Variants in TSHZ2 observed in about 807,000 individuals in gnomAD.
The protein encoded by TSHZ2 is teashirt homolog 2.
A neutral mutation model predicts 74.4 loss-of-function variants in TSHZ2; 21 were observed. That is an observed-to-expected ratio of 0.28 (90% CI 0.20 to 0.41). The LOEUF (loss-of-function observed/expected upper bound fraction) is 0.41. TSHZ2 is among the 10% of genes least tolerant of loss of function. TSHZ2 has a pLI of 1.00. For synonymous variants in TSHZ2, 540 were observed against 515.3 expected, an observed-to-expected ratio of 1.05 and a Z score of -0.65; for missense variants, 1,244 against 1,293.5, an observed-to-expected ratio of 0.96 and a Z score of 0.59.
intron 1 of TSHZ2, among the ~76,000 whole-genome samples, chr20:53,090,360 A>G (rs6013625): frequency 7.2e-4 from 110 of 152,264 alleles, no homozygotes; most frequent in Middle Eastern, 3.4e-3. Context: ...CTTCAATTCA[A>G]TCAAATCGAC....
intron 2 of TSHZ2, among the ~76,000 whole-genome samples, chr20:53,283,689 C>G (rs145665025): frequency 6.6e-6 from 1 of 152,308 alleles, no homozygotes; most frequent in East Asian, 1.9e-4. Flanking sequence ...AGCTTCCGTG[C>G]TCTGGGAAGT....
At chr20:53,205,898 T>G (rs1443859303) in intron 1 of TSHZ2, among the ~76,000 whole-genome samples, 2 of 152,222 alleles carry the variant, frequency 1.3e-5, no homozygotes, top group Non-Finnish European at 2.9e-5. Context: ...ATTTACATTC[T>G]TTAAGGCTTA....
chr20:53,126,185 G>A (rs1986942703), intron 1 of TSHZ2, among the ~76,000 whole-genome samples: 1 of 152,154 alleles, frequency 6.6e-6, no homozygotes, highest in Non-Finnish European at 1.5e-5. Context: ...AATACTCCTT[G>A]CATCTAGATC....
At chr20:53,101,452 G>C (rs1037715308) in intron 1 of TSHZ2, among the ~76,000 whole-genome samples, 1 of 152,054 alleles carries the variant, frequency 6.6e-6, no homozygotes, top group Non-Finnish European at 1.5e-5. Context: ...TCCCACCGTC[G>C]TTCTTGGTAG....
At chr20:53,397,804 G>A (rs532641903) in intron 2 of TSHZ2, 2 of 152,148 alleles carry the variant, frequency 1.3e-5, no homozygotes, top group Non-Finnish European at 2.9e-5. Context: ...CCATAAAAAA[G>A]GATGAGTTCA....
rs147727455 is a variant in TSHZ2, at chr20:52,985,496, C to T, written c.40+12163C>T. Among the ~76,000 whole-genome samples, 4 of 152,268 alleles carry T rather than the reference C, an allele frequency of 2.6e-5. No individual in the cohort carries two copies. In the East Asian group the frequency reaches 5.8e-4, roughly 22 times the overall value. ...TATTGGTAGAATGGGGATAATAAAACCCCCTTCTGGGTAGTTGGGAGAAGT... is the reference window on the plus strand; with the variant it reads ...TATTGGTAGAATGGGGATAATAAAATCCCCTTCTGGGTAGTTGGGAGAAGT... On this transcript the variant is annotated intron_variant, in intron 1 of 2. Transcript: ENST00000371497.
At chr20:53,257,134 A>G (rs78673701) in intron 2 of TSHZ2, among the ~76,000 whole-genome samples, 2,653 of 152,322 alleles carry the variant, frequency 0.017, 41 homozygotes, top group Middle Eastern at 0.031. Context: ...AGTAATTGCC[A>G]CCTTCCACCT....
chr20:53,380,089 C>T (rs1981802451), intron 2 of TSHZ2, among the ~76,000 whole-genome samples: 1 of 152,156 alleles, frequency 6.6e-6, no homozygotes, highest in East Asian at 1.9e-4. Context: ...GCCTCAATGT[C>T]ACCAACTTCA....
rs1000166671 is a variant in TSHZ2, at chr20:53,445,605, T to C, written c.*9-41539T>C. 2.0e-5 allele frequency among the ~76,000 whole-genome samples: 3 copies of C among 152,180 alleles called. No individual in the cohort carries two copies. The South Asian group carries it at 6.2e-4, about 31-fold the overall frequency. On this transcript the variant is annotated intron_variant, in intron 2 of 2. Transcript: ENST00000371497. Reference sequence around the variant, plus strand: ...CACTCTACTCATTGGCAATGGAAAGTGGCCAATTCGAAGATGTCCAGGAAA... The same window carrying C: ...CACTCTACTCATTGGCAATGGAAAGCGGCCAATTCGAAGATGTCCAGGAAA...
chr20:53,403,804 C>T (rs995219891), intron 2 of TSHZ2, among the ~76,000 whole-genome samples: 1 of 152,186 alleles, frequency 6.6e-6, no homozygotes, highest in African/African-American at 2.4e-5. Context: ...TGAAGGTCTG[C>T]GGCTCGTAGG....
At chr20:53,394,761 C>CAAAAAAAAAAAAAAAAAAAAA (rs3042185) in intron 2 of TSHZ2, among the ~76,000 whole-genome samples, 9 of 72,354 alleles carry the variant, frequency 1.2e-4, no homozygotes, top group African/African-American at 4.3e-4. Context: ...CAATCTGTCT[C>CAAAAAAAAAAAAAAAAAAAAA]AAAAAAAAAA....
At chr20:53,435,018 G>T (rs1334328353) in intron 2 of TSHZ2, among the ~76,000 whole-genome samples, 1 of 152,146 alleles carries the variant, frequency 6.6e-6, no homozygotes, top group Non-Finnish European at 1.5e-5. Context: ...ATATAAAAGA[G>T]AGAAAACAAA....
intron 2 of TSHZ2, among the ~76,000 whole-genome samples, chr20:53,374,150 A>G (rs900206776): frequency 4.0e-5 from 6 of 150,394 alleles, no homozygotes; most frequent in African/African-American, 1.5e-4. Flanking sequence ...TCCTCCCTTC[A>G]CCCTCCAGTA....
chr20:53,469,525 G>C (rs1985688992), intron 2 of TSHZ2, among the ~76,000 whole-genome samples: 1 of 151,004 alleles, frequency 6.6e-6, no homozygotes, highest in Admixed American at 6.6e-5. Flanking sequence ...GCCTGGGTGA[G>C]TGAGACTCTG....
chr20:53,228,629 G>T (rs1209307703), intron 1 of TSHZ2, among the ~76,000 whole-genome samples: 1 of 149,748 alleles, frequency 6.7e-6, no homozygotes, highest in African/African-American at 2.5e-5. Flanking sequence ...AACCAAAATT[G>T]TCCTCTGCCC....
rs1555819558 is a variant in TSHZ2, at chr20:53,051,457, G to GCACGCACA, written c.40+78127_40+78128insGCACACAC. ...CTTATCATATTACTCTGTGGCGCAC[G>GCACGCACA]CACACACACACACACACACACACAC... On this transcript the variant is annotated intron_variant, in intron 1 of 2. Transcript: ENST00000371497. Among the ~76,000 whole-genome samples the GCACGCACA allele has an allele frequency of 4.8e-5, 7 of 145,208 alleles. No individual in the cohort carries two copies. In the East Asian group the frequency reaches 8.1e-4, roughly 17 times the overall value.
chr20:53,286,221 G>A (rs1011404748), intron 2 of TSHZ2, among the ~76,000 whole-genome samples: 5 of 152,190 alleles, frequency 3.3e-5, no homozygotes, highest in Non-Finnish European at 7.3e-5. Flanking sequence ...GGAGTGAGCG[G>A]CTTATTAATG....
intron 2 of TSHZ2, among the ~76,000 whole-genome samples, chr20:53,365,272 T>C (rs758630298): frequency 5.3e-5 from 8 of 152,222 alleles, no homozygotes; most frequent in African/African-American, 1.9e-4. Context: ...AAGTGGCCAA[T>C]TGGCTTCTAG....
rs200347939 is a variant in TSHZ2, at chr20:52,973,251, T to G, written c.-43T>G. ...GAGACAGCGGGCCCCAGCGCGCGGC[T>G]CGGGGCTGGGGCGCCAGAAGTGGGA... On this transcript the variant is annotated 5_prime_UTR_variant, in exon 1 of 3. Coordinates refer to ENST00000371497, the MANE Select transcript of TSHZ2 (RefSeq NM_173485.6). 1 of 1,551,136 alleles carries G rather than the reference T, an allele frequency of 6.4e-7. No individual in the cohort carries two copies. The highest frequency in any genetic ancestry group is 2.4e-5 in the East Asian group (1 of 40,926).
Sources: gnomAD v4.1 joint callset for allele counts (sites outside exome capture counted in the v4.1 genomes callset) on GRCh38, gnomAD v4.1.1 for gene constraint, MANE v1.5 for transcripts, NCBI Gene and HGNC (gene_info 2026-07-23, HGNC 2026-07-21) for gene names.